The following MYO15A variants were observed in gnomAD, a reference collection of about 807,000 sequenced individuals.
The protein encoded by MYO15A is myosin XVA.
MYO15A carries 308 observed loss-of-function variants against 394.6 expected under a neutral mutation model. That is an observed-to-expected ratio of 0.78 (90% CI 0.71 to 0.86). The LOEUF (loss-of-function observed/expected upper bound fraction) is 0.86. MYO15A is among the 40% of genes least tolerant of loss of function. The pLI, the probability that MYO15A is intolerant of heterozygous loss-of-function variation, is 0.00. For synonymous variants in MYO15A, 1,957 were observed against 2,003.8 expected (o/e 0.98, Z 0.62); for missense variants, 4,606 against 4,799.1 (o/e 0.96, Z 1.19).
intron 1 of MYO15A, among the ~76,000 whole-genome samples, chr17:18,115,733 C>T (rs1421257253): frequency 4.6e-5 from 7 of 152,180 alleles, no homozygotes; most frequent in East Asian, 1.9e-4. Context: ...AGGCCCTGCA[C>T]ATGTGCCCCT....
chr17:18,132,430 G>A lies in MYO15A; in HGVS notation c.4207-23G>A, dbSNP rs2046183922. 1 of 1,607,324 alleles carries A rather than the reference G, an allele frequency of 6.2e-7. No individual in the cohort carries two copies. Among genetic ancestry groups the A allele is most frequent in the Non-Finnish European group, 8.5e-7 (1 of 1,174,496 alleles). Reference sequence around the variant, plus strand: ...ACCTAGGTAGGTGGCTCCCTTCTCTGTGCCCACCTACCCACTCTACAGGCC... The same window carrying A: ...ACCTAGGTAGGTGGCTCCCTTCTCTATGCCCACCTACCCACTCTACAGGCC... On this transcript the variant is annotated intron_variant, in intron 10 of 65. Coordinates refer to ENST00000647165, the MANE Select transcript of MYO15A (RefSeq NM_016239.4). This position sits in a 1 kb window ranked among gnomAD's most constrained non-coding sequence, Gnocchi z 4.6.
At chr17:18,167,486 G>T (rs1344812366) in intron 61 of MYO15A, 104 bp from the exon 62 acceptor site, 5 of 1,557,704 alleles carry the variant, frequency 3.2e-6, no homozygotes, top group African/African-American at 1.3e-5. Context: ...CCCCAGAAGA[G>T]GATGGGGCTG....
In MYO15A at chr17:18,138,917, C is replaced by T. The variant is rs993814938; in HGVS notation, c.5114C>T (p.Ala1705Val). 1 of 1,612,680 alleles carries T rather than the reference C, an allele frequency of 6.2e-7. No homozygotes were observed. The highest frequency in any genetic ancestry group is 8.5e-7 in the Non-Finnish European group (1 of 1,179,328). The change falls in exon 18 of 66, where the codon GCA becomes GTA. Residue 1705 changes from alanine (A) to valine (V), a missense_variant. Physicochemically the swap from Ala to Val is moderately conservative, Grantham distance 64 (BLOSUM62 0). Around this residue, in one of 2 missense-constraint regions of MYO15A, gnomAD observed 2,776 missense variants for 3,109.3 expected, o/e 0.89. Transcript: ENST00000647165. The stretch of plus-strand genomic sequence containing the variant: ...CCTGAGTTCACCATCAAGCACTATG[C>T]AGGCAAGGTCACCTACCAGGTGAGC... ...PLPEFTIKHYAGKVTYQVHKF... is the reference protein window; with the variant it reads ...PLPEFTIKHYVGKVTYQVHKF...
In MYO15A at chr17:18,163,972, G is replaced by A. The variant is rs931635613; in HGVS notation, c.9787+134G>A. Reference sequence around the variant, plus strand: ...CCAGGAAGCCCCTTGACCCCCATGTGGAAGGATCTCTGTGTGTACCAAGCA... The same window carrying A: ...CCAGGAAGCCCCTTGACCCCCATGTAGAAGGATCTCTGTGTGTACCAAGCA... On this transcript the variant is annotated intron_variant, in intron 60 of 65. Transcript: ENST00000647165. 15 of 855,310 alleles carry A rather than the reference G, an allele frequency of 1.8e-5. No individual in the cohort carries two copies. In the African/African-American group the frequency reaches 2.3e-4, roughly 13 times the overall value. The allele number at this position is 855,310 out of a possible 1,614,324, so 53.0% of individuals were successfully genotyped here. A position where few individuals can be genotyped will look rare whatever the true frequency, so the allele number is the denominator to read the frequency against.
intron 51 of MYO15A, chr17:18,158,271 G>A (rs529953483): frequency 1.0e-5 from 6 of 592,308 alleles, no homozygotes; most frequent in South Asian, 4.0e-5. Context: ...CTGTGACGTG[G>A]CAGTTGCGGA....
rs765041022 is a variant in MYO15A at position 18,124,475 on chromosome 17, T to A, written c.3610-8T>A. The A allele has an allele frequency of 4.3e-6, 7 of 1,610,256 alleles. No individual in the cohort carries two copies. The highest frequency in any genetic ancestry group is 1.3e-5 in the African/African-American group (1 of 75,018). ...AACCTGCAGACACAGCCTCTCTCTC[T>A]CACACAGATGCACTCCATCCGCAAC... On this transcript the variant is annotated splice_polypyrimidine_tract_variant and splice_region_variant and intron_variant, in intron 2 of 65. Coordinates refer to ENST00000647165, the MANE Select transcript of MYO15A (RefSeq NM_016239.4).
intron 28 of MYO15A, 104 bp from the exon 29 acceptor site, chr17:18,144,393 C>T: frequency 9.2e-7 from 1 of 1,087,094 alleles, no homozygotes; most frequent in Non-Finnish European, 1.4e-6. Flanking sequence ...AGGACCAAAG[C>T]CCCTGCCTCA....
chr17:18,142,796 C>A lies in MYO15A; in HGVS notation c.5866C>A (p.Arg1956=), dbSNP rs185873402. The A allele has an allele frequency of 1.2e-6, 2 of 1,613,540 alleles. No individual in the cohort carries two copies. Among genetic ancestry groups the A allele is most frequent in the Non-Finnish European group, 1.7e-6 (2 of 1,179,924 alleles). Residue 1956 remains arginine, a synonymous_variant, in exon 25 of 66, where the codon CGG becomes AGG. Transcript: ENST00000647165. Reference sequence around the variant, plus strand: ...GATGAGGAGGAGTCTGGTGAAGTTCCGGTCCCTGGTACACGCATACGTGAG... The same window carrying A: ...GATGAGGAGGAGTCTGGTGAAGTTCAGGTCCCTGGTACACGCATACGTGAG... ...QQMRRSLVKF[R]SLVHAYVSRR...
In MYO15A at chr17:18,151,248, G is replaced by A. The variant is rs1367201084; in HGVS notation, c.7612G>A (p.Ala2538Thr). ...KAPRLPIKPV[A>T]APVLAQDQAS... ...TCCAAGGCTCCCCATCAAGCCTGTG[G>A]CTGCCCCTGTTCTAGCTCAGGATCA... The change falls in exon 39 of 66, where the codon GCT (alanine) becomes ACT (threonine). Residue 2538 changes from alanine (A) to threonine (T), a missense_variant. Coordinates refer to ENST00000647165, the MANE Select transcript of MYO15A (RefSeq NM_016239.4). 4.3e-6 allele frequency: 7 copies of A among 1,614,014 alleles called. No individual in the cohort carries two copies. The highest frequency in any genetic ancestry group is 1.7e-5 in the Admixed American group (1 of 60,000).
rs775321980 is a variant in MYO15A, at chr17:18,119,202, C to G, written c.402C>G (p.Ile134Met). 11 of 1,612,530 alleles carry G rather than the reference C, an allele frequency of 6.8e-6. No homozygotes were observed. Among genetic ancestry groups the G allele is most frequent in the Non-Finnish European group, 9.3e-6 (11 of 1,179,918 alleles). Residue 134 changes from isoleucine to methionine, a missense_variant, in exon 2 of 66, where the codon ATC becomes ATG. Physicochemically the swap from Ile to Met is conservative, Grantham distance 10 (BLOSUM62 1). Around this residue, in one of 2 missense-constraint regions of MYO15A, gnomAD observed 1,830 missense variants for 1,689.7 expected, o/e 1.08. Coordinates refer to ENST00000647165, the MANE Select transcript of MYO15A (RefSeq NM_016239.4). Reference sequence around the variant, plus strand: ...CACTCAGCAAAGCGTCCACGGCCATCAACTGGCTCACAAAAAAGTTCCTCC... The same window carrying G: ...CACTCAGCAAAGCGTCCACGGCCATGAACTGGCTCACAAAAAAGTTCCTCC... Reference protein sequence around the residue: ...ARSLSKASTAINWLTKKFLLK... With the variant: ...ARSLSKASTAMNWLTKKFLLK...
At chr17:18,174,465 A>T (rs1029901785) in intron 65 of MYO15A, among the ~76,000 whole-genome samples, 1 of 149,294 alleles carries the variant, frequency 6.7e-6, no homozygotes, top group Non-Finnish European at 1.5e-5. Flanking sequence ...CTGCAAAAAT[A>T]AAAAAAAAAG....
At chr17:18,171,052 G>C (rs1040937021) in intron 62 of MYO15A, among the ~76,000 whole-genome samples, 3 of 152,236 alleles carry the variant, frequency 2.0e-5, no homozygotes, top group Non-Finnish European at 4.4e-5. Flanking sequence ...GCTCCAGCTG[G>C]TCAGGATGGG....
intron 16 of MYO15A, 47 bp downstream of exon 16, chr17:18,137,726 T>C (rs987021655): frequency 2.6e-5 from 41 of 1,569,298 alleles, no homozygotes; most frequent in Admixed American, 1.2e-4. Context: ...GACTGGCCAG[T>C]GGACCTCCTT....
intron 48 of MYO15A, 42 bp from the exon 49 acceptor site, chr17:18,156,912 G>A (rs2046684087): frequency 3.2e-6 from 5 of 1,565,848 alleles, no homozygotes; most frequent in South Asian, 1.1e-5. Flanking sequence ...TGGGAGTGGG[G>A]TGATAGGGCT....
At position 18,119,712 on chromosome 17, in the gene MYO15A, C is replaced by CTACGGA; in HGVS notation, c.917_918insATACGG (p.Gly308_Tyr309dup). On this transcript the variant is annotated inframe_insertion, in exon 2 of 66. Coordinates refer to ENST00000647165, the MANE Select transcript of MYO15A (RefSeq NM_016239.4). ...GTGGCCCCTTTGATCCGGGGTACAC[C>CTACGGA]TACGGCTACGGCTACGACGATTACG... The CTACGGA allele has an allele frequency of 1.2e-6, 2 of 1,611,446 alleles. No individual in the cohort carries two copies. Among genetic ancestry groups the CTACGGA allele is most frequent in the East Asian group, 2.2e-5 (1 of 44,854 alleles).
intron 8 of MYO15A, 67 bp from the exon 9 acceptor site, chr17:18,131,172 G>T: frequency 2.8e-5 from 39 of 1,378,468 alleles, no homozygotes; most frequent in Non-Finnish European, 3.5e-5. Flanking sequence ...CCCCAGCTAT[G>T]CCCCCCACCC....
chr17:18,119,872 C>T lies in MYO15A; in HGVS notation c.1072C>T (p.Leu358Phe), dbSNP rs367955736. ...CGACGCGCCATACCCACCCTATGAC[C>T]TCCCATACCACACTCCCTACGATGT... is the stretch of plus-strand genomic sequence containing the variant. Reference protein sequence around the residue: ...PYDAPYPPYDLPYHTPYDVPY... With the variant: ...PYDAPYPPYDFPYHTPYDVPY... The change falls in exon 2 of 66, where the codon CTC (leucine) becomes TTC (phenylalanine). Residue 358 changes from leucine (L) to phenylalanine (F), a missense_variant. Coordinates refer to ENST00000647165, the MANE Select transcript of MYO15A (RefSeq NM_016239.4). 6.2e-7 allele frequency: 1 copy of T among 1,613,196 alleles called. No homozygotes were observed. Among genetic ancestry groups the T allele is most frequent in the East Asian group, 2.2e-5 (1 of 44,876 alleles).
rs1005812796 is a variant in MYO15A, at chr17:18,147,899, C to T, written c.6510-130C>T. 1 of 1,206,300 alleles carries T rather than the reference C, an allele frequency of 8.3e-7. No homozygotes were observed. The highest frequency in any genetic ancestry group is 1.9e-5 in the Admixed American group (1 of 53,752). 74.7% of individuals were successfully genotyped at this position (1,206,300 alleles called of 1,614,324 possible). A position where few individuals can be genotyped will look rare whatever the true frequency, so the allele number is the denominator to read the frequency against. On this transcript the variant is annotated intron_variant, in intron 30 of 65. Transcript: ENST00000647165. This position sits in a 1 kb window ranked among gnomAD's most constrained non-coding sequence, Gnocchi z 4.4. ...CCAGCCTGGAGCCTTTTTAGCCTCA[C>T]CTTGGAGCTCTGGAGTAGCCTGGGC...
chr17:18,172,814 A>G (rs940463836), intron 64 of MYO15A: 3 of 201,166 alleles, frequency 1.5e-5, no homozygotes, highest in African/African-American at 7.0e-5. Context: ...TAACAGCTTC[A>G]TTTTAACTTA....
Sources: gnomAD v4.1 joint callset for allele counts (sites outside exome capture counted in the v4.1 genomes callset) on GRCh38, gnomAD v4.1.1 for gene constraint, gnomAD v4.1.1 regional missense constraint, Gnocchi (gnomAD v3.1) non-coding constraint, MANE v1.5 for transcripts, NCBI Gene and HGNC (gene_info 2026-07-23, HGNC 2026-07-21) for gene names.